Variants in SEMA4D observed in about 807,000 individuals in gnomAD.
SEMA4D encodes semaphorin 4D, also known as semaphorin-4D.
Under a neutral mutation model 74.8 loss-of-function variants are expected in SEMA4D, and 22 were observed. That is an observed-to-expected ratio of 0.29 (90% CI 0.21 to 0.42). The LOEUF (loss-of-function observed/expected upper bound fraction) is 0.42. Among genes scored for constraint, SEMA4D ranks in the 10% least tolerant of loss-of-function variants. The probability of loss-of-function intolerance (pLI) is 1.00; values close to 1 mark genes in which losing one functional copy is unlikely to be tolerated. For missense variants in SEMA4D, 937 were observed against 1,118.4 expected (o/e 0.84, Z 2.31); for synonymous variants, 445 against 463.7 (o/e 0.96, Z 0.52).
Position 89,414,413 on chromosome 9 carries a change from C to T in SEMA4D, c.-243-8714G>A, listed in dbSNP as rs374780730. 2.8e-4 allele frequency among the ~76,000 whole-genome samples: 42 copies of T among 152,278 alleles called. No homozygotes were observed. In the South Asian group the frequency reaches 8.7e-3, roughly 32 times the overall value. ...CCTACAACCAGGACAGTGGAGGACA[C>T]GCACTCACCACATCTTCCCTCCCAG... is the stretch of plus-strand genomic sequence containing the variant. On this transcript the variant is annotated intron_variant, in intron 2 of 15. Transcript: ENST00000422704.
intron 6 of SEMA4D, among the ~76,000 whole-genome samples, chr9:89,394,958 C>A (rs1165807436): frequency 6.6e-6 from 1 of 152,114 alleles, no homozygotes; most frequent in Non-Finnish European, 1.5e-5. Context: ...ATTTGGGAGT[C>A]ACGGGTCATA....
intron 2 of SEMA4D, among the ~76,000 whole-genome samples, chr9:89,430,373 T>C (rs1849011496): frequency 6.6e-6 from 1 of 152,124 alleles, no homozygotes; most frequent in Non-Finnish European, 1.5e-5. Context: ...CCCTCCAAGC[T>C]TCAGAGGGAG....
chr9:89,427,762 G>C (rs1434522033), intron 2 of SEMA4D, among the ~76,000 whole-genome samples: 1 of 152,202 alleles, frequency 6.6e-6, no homozygotes, highest in Non-Finnish European at 1.5e-5. Flanking sequence ...ACAGCATGTG[G>C]GGGTTCTCAT....
intron 1 of SEMA4D, among the ~76,000 whole-genome samples, chr9:89,481,000 C>T (rs1015636901): frequency 6.6e-6 from 1 of 152,254 alleles, no homozygotes; most frequent in African/African-American, 2.4e-5. Context: ...TACATACACA[C>T]ATCCTTCTCC....
At chr9:89,414,707 C>T (rs1016802476) in intron 2 of SEMA4D, among the ~76,000 whole-genome samples, 1 of 152,188 alleles carries the variant, frequency 6.6e-6, no homozygotes, top group African/African-American at 2.4e-5. Context: ...CTTCAGTTTT[C>T]CTAGAATTAA....
intron 2 of SEMA4D, among the ~76,000 whole-genome samples, chr9:89,453,631 C>T (rs916823422): frequency 6.6e-5 from 10 of 152,176 alleles, no homozygotes; most frequent in Non-Finnish European, 1.0e-4. Flanking sequence ...TCGCGGCCCT[C>T]GCTGGGTGGA....
At chr9:89,408,075 C>T (rs1389612161) in intron 2 of SEMA4D, among the ~76,000 whole-genome samples, 1 of 152,262 alleles carries the variant, frequency 6.6e-6, no homozygotes, top group Non-Finnish European at 1.5e-5. Context: ...TTTGCAGCTC[C>T]TTGCCATAAT....
chr9:89,434,264 A>T (rs988642284), intron 2 of SEMA4D, among the ~76,000 whole-genome samples: 2 of 151,882 alleles, frequency 1.3e-5, no homozygotes, highest in Non-Finnish European at 2.9e-5. Flanking sequence ...TAGGTAGAGG[A>T]GGGAGGGGTC....
chr9:89,387,664 G>T (rs1838835312), intron 11 of SEMA4D, 56 bp from the exon 12 acceptor site: 1 of 1,527,622 alleles, frequency 6.5e-7, no homozygotes, highest in Non-Finnish European at 9.0e-7. Context: ...CGCAACGGGT[G>T]CTTCCACACA....
intron 13 of SEMA4D, chr9:89,385,707 G>A: frequency 2.1e-6 from 1 of 466,266 alleles, no homozygotes; most frequent in Non-Finnish European, 2.8e-6. Flanking sequence ...ACCTGCCAAG[G>A]GTAGGTATCT....
At chr9:89,396,714 A>G (rs1219652535) in intron 6 of SEMA4D, 23 bp downstream of exon 6, 9 of 1,596,386 alleles carry the variant, frequency 5.6e-6, no homozygotes, top group Non-Finnish European at 7.7e-6. Flanking sequence ...GCGTGAGCAC[A>G]GGGAGGTGCC....
chr9:89,478,763 T>TCCACCCCACC (rs1192432181), intron 1 of SEMA4D, among the ~76,000 whole-genome samples: 1 of 135,566 alleles, frequency 7.4e-6, no homozygotes, highest in Admixed American at 7.4e-5. Flanking sequence ...CCCCTCATCC[T>TCCACCCCACC]CCACCCCACC....
intron 2 of SEMA4D, among the ~76,000 whole-genome samples, chr9:89,430,023 C>T (rs1277911511): frequency 1.3e-5 from 2 of 151,874 alleles, no homozygotes; most frequent in African/African-American, 4.8e-5. Flanking sequence ...TGCTGCTTAA[C>T]CCTGACGGGC....
rs541440397 is a variant in SEMA4D, at chr9:89,479,627, C to T, written c.-310+18292G>A. 2.8e-3 allele frequency: 457 copies of T among 164,202 alleles called. 3 individuals carry two copies. Among genetic ancestry groups the T allele is most frequent in the African/African-American group, 0.01 (432 of 41,612 alleles). 10.2% of individuals were successfully genotyped at this position (164,202 alleles called of 1,614,324 possible). On this transcript the variant is annotated intron_variant, in intron 1 of 15. Transcript: ENST00000422704. ...TGTTCAGATGTGTTCAGAGTTTCTT[C>T]CTTCTGGTGGGTTCGTGGTCTCGCT...
At chr9:89,374,660 C>A (rs575423204), downstream of SEMA4D, among the ~76,000 whole-genome samples, 2 of 152,320 alleles carry the variant, frequency 1.3e-5, no homozygotes, top group Non-Finnish European at 2.9e-5. Context: ...AGTGATGTCC[C>A]TTCTCCCTGG....
At chr9:89,404,727 G>C (rs1274573989) in intron 3 of SEMA4D, among the ~76,000 whole-genome samples, 1 of 149,164 alleles carries the variant, frequency 6.7e-6, no homozygotes, top group Non-Finnish European at 1.5e-5. Context: ...CCAGGAAGTG[G>C]GGTCCCTGTC....
In SEMA4D at chr9:89,466,588, G is replaced by A. The variant is rs115009093; in HGVS notation, c.-309-10635C>T. Among the ~76,000 whole-genome samples the A allele has an allele frequency of 6.6e-3, 1,003 of 152,198 alleles. 7 individuals carry two copies. The highest frequency in any genetic ancestry group is 0.023 in the African/African-American group (964 of 41,510). On this transcript the variant is annotated intron_variant, in intron 1 of 15. Coordinates refer to ENST00000422704, the MANE Select transcript of SEMA4D (RefSeq NM_001371194.2). ...ATCATCGAGGGAGCACACAGCCCCC[G>A]TGTGCACAAGGTCATGCTCCAGAAG...
rs895112731 is a variant in SEMA4D at position 89,420,286 on chromosome 9, C to T, written c.-243-14587G>A. Among the ~76,000 whole-genome samples the T allele has an allele frequency of 2.0e-5, 3 of 152,338 alleles. No individual in the cohort carries two copies. In the East Asian group the frequency reaches 5.8e-4, roughly 29 times the overall value. Reference sequence around the variant, plus strand: ...CACATACACGGTTTGTTTCTTCTTTCTCAGCGTGCAACCCCACAGTTATGA... The same window carrying T: ...CACATACACGGTTTGTTTCTTCTTTTTCAGCGTGCAACCCCACAGTTATGA... On this transcript the variant is annotated intron_variant, in intron 2 of 15. Transcript: ENST00000422704.
intron 2 of SEMA4D, among the ~76,000 whole-genome samples, chr9:89,446,396 T>C (rs1852862023): frequency 6.6e-6 from 1 of 152,130 alleles, no homozygotes; most frequent in Non-Finnish European, 1.5e-5. Flanking sequence ...TCGGGGGCCA[T>C]CATTTGGCCT....
Sources: gnomAD v4.1 joint callset for allele counts (sites outside exome capture counted in the v4.1 genomes callset) on GRCh38, gnomAD v4.1.1 for gene constraint, MANE v1.5 for transcripts, NCBI Gene and HGNC (gene_info 2026-07-23, HGNC 2026-07-21) for gene names.